The following USP40 variants were observed in gnomAD, a reference collection of about 807,000 sequenced individuals.
USP40 encodes ubiquitin carboxyl-terminal hydrolase 40.
USP40 carries 143 observed loss-of-function variants against 166.2 expected under a neutral mutation model. The observed-to-expected ratio is 0.86, with a 90% CI of 0.75 to 0.99. USP40 has a LOEUF of 0.99. Among genes scored for constraint, USP40 ranks in the 50% least tolerant of loss-of-function variants. USP40 has a pLI of 0.00. For synonymous variants in USP40, 498 were observed against 524.0 expected, an observed-to-expected ratio of 0.95 and a Z score of 0.68; for missense variants, 1,444 against 1,479.7, an observed-to-expected ratio of 0.98 and a Z score of 0.40.
Position 233,481,236 on chromosome 2 carries a change from T to G in USP40, c.3566A>C (p.Lys1189Thr), listed in dbSNP as rs1274353699. 7 of 1,608,348 alleles carry G rather than the reference T, an allele frequency of 4.4e-6. No homozygotes were observed. Among genetic ancestry groups the G allele is most frequent in the Non-Finnish European group, 5.9e-6 (7 of 1,177,278 alleles). Residue 1189 changes from lysine (K) to threonine (T), a missense_variant, in exon 31 of 32, where the codon AAG (lysine) becomes ACG (threonine). Transcript: ENST00000678225. ...TCTCCCCAGGGCCCGTTGTTTCTGCTTTTCTTTTCCAGTGTCATCTCTGAT... is the reference window on the plus strand; with the variant it reads ...TCTCCCCAGGGCCCGTTGTTTCTGCGTTTCTTTTCCAGTGTCATCTCTGAT... ...STIRDDTGKE[K>T]QKQRALGRRK...
chr2:233,557,134 A>C, intron 4 of USP40, 115 bp from the exon 5 acceptor site: 1 of 929,856 alleles, frequency 1.1e-6, no homozygotes. Context: ...TGAAGATCAG[A>C]TATAAGAATG....
intron 27 of USP40, 29 bp downstream of exon 27, chr2:233,489,336 G>T: frequency 6.5e-7 from 1 of 1,544,134 alleles, no homozygotes. Context: ...AGCAGAGAGG[G>T]ACAGTGTTGC....
intron 7 of USP40, among the ~76,000 whole-genome samples, chr2:233,550,821 G>A (rs943739639): frequency 6.6e-6 from 1 of 152,126 alleles, no homozygotes; most frequent in Non-Finnish European, 1.5e-5. Flanking sequence ...ACAGATTCTA[G>A]ACTAGTGAAT....
chr2:233,563,911 A>C (rs982650833), intron 2 of USP40, among the ~76,000 whole-genome samples: 55 of 152,206 alleles, frequency 3.6e-4, no homozygotes, highest in African/African-American at 1.3e-3. Context: ...CCCGCCCTAC[A>C]CTTCACCATC....
chr2:233,519,591 G>T (rs1296617233), intron 18 of USP40, 23 bp downstream of exon 18: 2 of 1,409,902 alleles, frequency 1.4e-6, no homozygotes, highest in South Asian at 2.6e-5. Context: ...ACTAAGAACC[G>T]AAAAGAAAAT....
rs192285296 is a variant in USP40 at position 233,538,510 on chromosome 2, A to C, written c.1170+2152T>G. On this transcript the variant is annotated intron_variant, in intron 10 of 31. Coordinates refer to ENST00000678225, the MANE Select transcript of USP40 (RefSeq NM_001365479.2). ...AAAAGGAATCATAAGTTCATATTCT[A>C]CAGTCACTAAACGGATAATAAGGTG... 6.4e-3 allele frequency among the ~76,000 whole-genome samples: 978 copies of C among 152,350 alleles called. 4 individuals carry two copies. Among genetic ancestry groups the C allele is most frequent in the African/African-American group, 0.022 (925 of 41,582 alleles).
At chr2:233,500,725 A>C (rs1051997342) in intron 21 of USP40, among the ~76,000 whole-genome samples, 2 of 152,246 alleles carry the variant, frequency 1.3e-5, no homozygotes, top group Non-Finnish European at 2.9e-5. Flanking sequence ...AAGATCTTTA[A>C]AATATTTTAA....
At chr2:233,529,910 C>T (rs1357680905) in intron 11 of USP40, among the ~76,000 whole-genome samples, 5 of 149,352 alleles carry the variant, frequency 3.3e-5, no homozygotes, top group African/African-American at 9.9e-5. Context: ...AAGCAATTCT[C>T]GTGCCTCAGC....
chr2:233,488,358 G>C, intron 27 of USP40, 54 bp from the exon 28 acceptor site: 1 of 1,481,798 alleles, frequency 6.7e-7, no homozygotes, highest in Non-Finnish European at 9.1e-7. Context: ...TAATTTTCTT[G>C]AATTTTTTTT....
chr2:233,527,303 A>C, intron 13 of USP40, 104 bp downstream of exon 13: 1 of 1,305,014 alleles, frequency 7.7e-7, no homozygotes, highest in Non-Finnish European at 1.0e-6. Context: ...GATCTTCCTA[A>C]GCAGCTTTGA....
At chr2:233,492,082 T>TA (rs1462750143) in intron 25 of USP40, among the ~76,000 whole-genome samples, 1 of 152,252 alleles carries the variant, frequency 6.6e-6, no homozygotes, top group Non-Finnish European at 1.5e-5. Flanking sequence ...ACCTGCTACA[T>TA]AATGATTTGG....
chr2:233,492,027 C>T (rs183767282), intron 25 of USP40, among the ~76,000 whole-genome samples: 99 of 152,186 alleles, frequency 6.5e-4, no homozygotes, highest in African/African-American at 1.1e-3. Context: ...CTGACACTAC[C>T]GGAAAGATAA....
At chr2:233,502,536 C>T (rs2066142133) in intron 21 of USP40, among the ~76,000 whole-genome samples, 1 of 152,116 alleles carries the variant, frequency 6.6e-6, no homozygotes, top group African/African-American at 2.4e-5. Flanking sequence ...GGCAGTGGCC[C>T]TGCCTCCCCA....
At chr2:233,544,197 T>C (rs1047239760) in intron 8 of USP40, among the ~76,000 whole-genome samples, 10 of 152,170 alleles carry the variant, frequency 6.6e-5, no homozygotes, top group Admixed American at 2.0e-4. Context: ...CAGGAACTTA[T>C]ACTACACTTT....
At chr2:233,515,915 C>A (rs2067155781) in intron 18 of USP40, among the ~76,000 whole-genome samples, 1 of 152,156 alleles carries the variant, frequency 6.6e-6, no homozygotes, top group Non-Finnish European at 1.5e-5. Context: ...CTAAATGGCC[C>A]AGCACTATTT....
At chr2:233,508,737 A>G (rs969261511) in intron 21 of USP40, among the ~76,000 whole-genome samples, 3 of 152,214 alleles carry the variant, frequency 2.0e-5, no homozygotes, top group Admixed American at 2.0e-4. Context: ...ACCCTGGGAT[A>G]TAGTTTGCAA....
chr2:233,507,263 GA>G (rs997716900), intron 21 of USP40, among the ~76,000 whole-genome samples: 3 of 152,176 alleles, frequency 2.0e-5, no homozygotes, highest in African/African-American at 7.2e-5. Context: ...AAACAGTACA[GA>G]TGTTCCTCAC....
chr2:233,482,538 A>C (rs2064683909), intron 30 of USP40, among the ~76,000 whole-genome samples: 2 of 151,680 alleles, frequency 1.3e-5, no homozygotes. Flanking sequence ...ACTAACACCA[A>C]ACTGCTCTCC....
chr2:233,512,018 A>G, intron 19 of USP40: 1 of 407,418 alleles, frequency 2.5e-6, no homozygotes. Context: ...AACAATGCTA[A>G]ATGGAAGCTA....
Sources: allele counts gnomAD v4.1 joint callset (sites outside exome capture counted in the v4.1 genomes callset), GRCh38; gene constraint gnomAD v4.1.1; transcripts MANE v1.5; gene names NCBI Gene and HGNC (gene_info 2026-07-23, HGNC 2026-07-21).